Variants in ZNF385B observed in about 807,000 individuals in gnomAD.
ZNF385B encodes the protein zinc finger protein 385B.
ZNF385B carries 23 observed loss-of-function variants against 39.2 expected under a neutral mutation model. The observed-to-expected ratio is 0.59, with a 90% CI of 0.42 to 0.83. The LOEUF (loss-of-function observed/expected upper bound fraction) is 0.83, where lower values mean the gene tolerates loss of function less well. Ranked by LOEUF, ZNF385B falls within the 40% of genes least tolerant of loss-of-function variation. ZNF385B has a pLI of 0.00. For missense variants in ZNF385B, 552 were observed against 598.9 expected (o/e 0.92, Z 0.82); for synonymous variants, 205 against 222.6 (o/e 0.92, Z 0.70).
Position 179,770,018 on chromosome 2 carries a change from T to C in ZNF385B, c.-2-216A>G, listed in dbSNP as rs1703923659. On this transcript the variant is annotated intron_variant, in intron 2 of 9. Transcript: ENST00000410066. ...CTGGGGGTTTTTGAACAGAAGTTCCTTTCACCTGGAGCACTTTATACCCCA... is the reference window on the plus strand; with the variant it reads ...CTGGGGGTTTTTGAACAGAAGTTCCCTTCACCTGGAGCACTTTATACCCCA... Among the ~76,000 whole-genome samples, 3 of 152,126 alleles carry C rather than the reference T, an allele frequency of 2.0e-5. No homozygotes were observed. In the South Asian group the frequency reaches 6.2e-4, roughly 32 times the overall value.
chr2:179,591,635 G>A (rs187778774), intron 3 of ZNF385B, among the ~76,000 whole-genome samples: 1 of 152,320 alleles, frequency 6.6e-6, no homozygotes, highest in Admixed American at 6.5e-5. Flanking sequence ...TACTTGGTGA[G>A]GCTTCAGGGT....
intron 1 of ZNF385B, among the ~76,000 whole-genome samples, chr2:179,845,492 A>C (rs1708755228): frequency 6.6e-6 from 1 of 152,216 alleles, no homozygotes; most frequent in Non-Finnish European, 1.5e-5. Flanking sequence ...AGCAAGTGCC[A>C]CCAAAATTGA....
chr2:179,696,042 A>G (rs149460626), intron 3 of ZNF385B, among the ~76,000 whole-genome samples: 6 of 152,352 alleles, frequency 3.9e-5, no homozygotes, highest in African/African-American at 1.4e-4. Context: ...ATCCATTTAT[A>G]TGAAAGTCCA....
At chr2:179,709,285 C>T (rs1284054842) in intron 3 of ZNF385B, among the ~76,000 whole-genome samples, 2 of 152,198 alleles carry the variant, frequency 1.3e-5, no homozygotes, top group African/African-American at 2.4e-5. Context: ...CTGCAGCCCC[C>T]ACCTTGCTGT....
intron 3 of ZNF385B, among the ~76,000 whole-genome samples, chr2:179,635,073 T>A (rs1427710924): frequency 7.0e-6 from 1 of 143,424 alleles, no homozygotes; most frequent in South Asian, 2.3e-4. Flanking sequence ...ACCCAGGAGG[T>A]GGAGCTTGCA....
intron 1 of ZNF385B, among the ~76,000 whole-genome samples, chr2:179,826,886 T>C (rs1374706147): frequency 6.6e-6 from 1 of 152,216 alleles, no homozygotes; most frequent in Non-Finnish European, 1.5e-5. Context: ...GGTGTCTGTA[T>C]CAATTCAAAA....
intron 3 of ZNF385B, among the ~76,000 whole-genome samples, chr2:179,597,277 A>G (rs916298969): frequency 2.6e-5 from 4 of 152,150 alleles, no homozygotes; most frequent in Non-Finnish European, 5.9e-5. Context: ...TGGTGGTTAT[A>G]TTTTTAACAG....
chr2:179,687,986 T>C (rs2106337739), intron 3 of ZNF385B, among the ~76,000 whole-genome samples: 1 of 152,334 alleles, frequency 6.6e-6, no homozygotes, highest in African/African-American at 2.4e-5. Context: ...GATAGTACCA[T>C]CTACCCCATA....
At chr2:179,812,961 T>C (rs1424984393) in intron 1 of ZNF385B, among the ~76,000 whole-genome samples, 1 of 152,176 alleles carries the variant, frequency 6.6e-6, no homozygotes, top group Non-Finnish European at 1.5e-5. Flanking sequence ...ATTTACAAAA[T>C]CAATAGTTTC....
intron 6 of ZNF385B, among the ~76,000 whole-genome samples, chr2:179,478,232 AATCCGATAT>A: frequency 6.6e-6 from 1 of 152,230 alleles, no homozygotes; most frequent in Admixed American, 6.6e-5. Context: ...TTTCTCTTTA[AATCCGATAT>A]ATCCAACAAT....
chr2:179,451,164 T>G (rs2050104749), intron 6 of ZNF385B, among the ~76,000 whole-genome samples: 2 of 149,380 alleles, frequency 1.3e-5, no homozygotes, highest in Non-Finnish European at 3.0e-5. Context: ...GACGAGTTAG[T>G]GGGTTCAGCA....
At chr2:179,640,039 G>T (rs1692124924) in intron 3 of ZNF385B, among the ~76,000 whole-genome samples, 1 of 152,084 alleles carries the variant, frequency 6.6e-6, no homozygotes, top group Admixed American at 6.6e-5. Context: ...CAAAAGGAAG[G>T]ACATTTTGCA....
chr2:179,512,506 G>T (rs1018415224), intron 5 of ZNF385B, among the ~76,000 whole-genome samples: 3 of 152,146 alleles, frequency 2.0e-5, no homozygotes, highest in Non-Finnish European at 4.4e-5. Flanking sequence ...ATTTTCTGAA[G>T]TGTATGTTAG....
chr2:179,595,115 A>G (rs970555227), intron 3 of ZNF385B, among the ~76,000 whole-genome samples: 1 of 152,214 alleles, frequency 6.6e-6, no homozygotes, highest in African/African-American at 2.4e-5. Context: ...CCCAATAGGA[A>G]ATTTATAGTG....
At chr2:179,789,869 A>C (rs951906255) in intron 1 of ZNF385B, among the ~76,000 whole-genome samples, 1 of 152,224 alleles carries the variant, frequency 6.6e-6, no homozygotes, top group Non-Finnish European at 1.5e-5. Flanking sequence ...AAGGAAATAA[A>C]TATAAGAAAA....
At chr2:179,777,266 A>G (rs530437395) in intron 1 of ZNF385B, among the ~76,000 whole-genome samples, 1 of 152,316 alleles carries the variant, frequency 6.6e-6, no homozygotes, top group Non-Finnish European at 1.5e-5. Context: ...ACTAGAATTG[A>G]AAGTACTAAT....
At chr2:179,779,059 T>C (rs1357628337) in intron 1 of ZNF385B, among the ~76,000 whole-genome samples, 1 of 152,212 alleles carries the variant, frequency 6.6e-6, no homozygotes, top group Non-Finnish European at 1.5e-5. Flanking sequence ...TTGATTATAT[T>C]TACCTACAAT....
intron 3 of ZNF385B, among the ~76,000 whole-genome samples, chr2:179,604,792 C>G (rs1688670718): frequency 6.6e-6 from 1 of 152,068 alleles, no homozygotes; most frequent in South Asian, 2.1e-4. Flanking sequence ...GGGAATGTCT[C>G]CAACTATATT....
chr2:179,619,727 G>C (rs890749009), intron 3 of ZNF385B, among the ~76,000 whole-genome samples: 1 of 152,224 alleles, frequency 6.6e-6, no homozygotes, highest in Non-Finnish European at 1.5e-5. Context: ...CTTGTGAACA[G>C]ATACCTGTCA....
Sources: allele counts gnomAD v4.1 joint callset (sites outside exome capture counted in the v4.1 genomes callset), GRCh38; gene constraint gnomAD v4.1.1; transcripts MANE v1.5; gene names NCBI Gene and HGNC (gene_info 2026-07-23, HGNC 2026-07-21).